SCGB2B2: variants seen among roughly 807,000 people sequenced by gnomAD.
The protein encoded by SCGB2B2 is secretoglobin family 2B member 2.
A neutral mutation model predicts 7.6 loss-of-function variants in SCGB2B2; 11 were observed. The ratio of observed to expected loss-of-function variants is 1.45; its 90% confidence interval spans 0.91 to 2.40. The LOEUF (loss-of-function observed/expected upper bound fraction) is 2.40. Ranked by LOEUF, SCGB2B2 falls within the 30% of genes most tolerant of loss-of-function variation. The pLI is 0.00. For synonymous variants in SCGB2B2, 50 were observed against 48.6 expected (o/e 1.03, Z -0.12); for missense variants, 104 against 115.4 (o/e 0.90, Z 0.45).
chr19:34,655,588 ACT>A (rs1403907462), intron 1 of SCGB2B2, among the ~76,000 whole-genome samples: 2 of 151,092 alleles, frequency 1.3e-5, no homozygotes, highest in Admixed American at 1.3e-4. Context: ...AGCAAGCTGT[ACT>A]CTGACCACCT....
chr19:34,670,016 A>G (rs1241032852), intron 1 of SCGB2B2, among the ~76,000 whole-genome samples: 1 of 152,108 alleles, frequency 6.6e-6, no homozygotes, highest in African/African-American at 2.4e-5. Flanking sequence ...TTTGGCCTAT[A>G]GTGTTGGTCT....
At position 34,676,540 on chromosome 19, in the gene SCGB2B2, C is replaced by T. The variant is rs1433651232; in HGVS notation, c.-2942G>A. On this transcript the variant is annotated 5_prime_UTR_variant, in exon 1 of 4. Transcript: ENST00000601241. ...ATCCCTAGTCCAGCAGCCCAAGCTG[C>T]TGCTCTAACAATGGAGTACCCATTG... 1 of 152,182 alleles carries T rather than the reference C, an allele frequency of 6.6e-6. No homozygotes were observed. The highest frequency in any genetic ancestry group is 1.5e-5 in the Non-Finnish European group (1 of 68,058). The allele number at this position is 152,182 out of a possible 1,614,324, so 9.4% of individuals were successfully genotyped here.
intron 1 of SCGB2B2, among the ~76,000 whole-genome samples, chr19:34,597,109 C>T (rs1324425680): frequency 6.6e-6 from 1 of 151,638 alleles, no homozygotes; most frequent in Non-Finnish European, 1.5e-5. Context: ...GTGCAGCTGT[C>T]ACTCAATCAC....
chr19:34,604,675 A>G (rs559932569), intron 1 of SCGB2B2, among the ~76,000 whole-genome samples: 283 of 152,302 alleles, frequency 1.9e-3, no homozygotes, highest in African/African-American at 6.4e-3. Context: ...ATCAAATTAT[A>G]TCCTCTATTT....
chr19:34,667,709 C>T (rs1187876465), intron 1 of SCGB2B2, among the ~76,000 whole-genome samples: 2 of 148,158 alleles, frequency 1.3e-5, no homozygotes, highest in Non-Finnish European at 3.0e-5. Flanking sequence ...TGTGCGTTTT[C>T]CCCAATTCTT....
At chr19:34,643,158 T>G (rs1003300620) in intron 1 of SCGB2B2, among the ~76,000 whole-genome samples, 2 of 152,208 alleles carry the variant, frequency 1.3e-5, no homozygotes, top group Admixed American at 1.3e-4. Flanking sequence ...TCATTCAACC[T>G]AAGTGTCCAT....
In SCGB2B2 at chr19:34,619,240, CAA is replaced by C. The variant is rs1282834092; in HGVS notation, c.-2031-22648_-2031-22647del. Reference sequence around the variant, plus strand: ...ACGGAGATCCAAGACAGAATTTCATCAATAAAGAAATCTTTAGAGGGAGAGTG... The same window carrying C: ...ACGGAGATCCAAGACAGAATTTCATCTAAAGAAATCTTTAGAGGGAGAGTG... On this transcript the variant is annotated intron_variant, in intron 1 of 3. Transcript: ENST00000601241. Among the ~76,000 whole-genome samples the C allele has an allele frequency of 2.0e-5, 3 of 152,226 alleles. No individual in the cohort carries two copies. The South Asian group carries it at 6.2e-4, about 32-fold the overall frequency.
chr19:34,662,695 C>T (rs1033063788), intron 1 of SCGB2B2, among the ~76,000 whole-genome samples: 3 of 152,016 alleles, frequency 2.0e-5, no homozygotes, highest in African/African-American at 7.2e-5. Context: ...TAAAGAACTC[C>T]TTTAGCACAT....
rs78319755 is a variant in SCGB2B2 at position 34,662,979 on chromosome 19, G to A, written c.-2032+12651C>T. On this transcript the variant is annotated intron_variant, in intron 1 of 3. Coordinates refer to ENST00000601241, the MANE Select transcript of SCGB2B2 (RefSeq NM_001025591.4). The stretch of plus-strand genomic sequence containing the variant: ...ACAAACAAAAAAAAACAATAAAAGT[G>A]CGGAAAAAGCCTTCTACTCACATTT... Among the ~76,000 whole-genome samples the A allele has an allele frequency of 2.6e-3, 392 of 152,012 alleles. 12 individuals are homozygous for A. In the East Asian group the frequency reaches 0.063, roughly 25 times the overall value.
chr19:34,668,549 G>A (rs1474511366), intron 1 of SCGB2B2, among the ~76,000 whole-genome samples: 2 of 152,226 alleles, frequency 1.3e-5, no homozygotes, highest in Non-Finnish European at 2.9e-5. Context: ...CGCGGGACTG[G>A]CAGGCAGCTC....
At chr19:34,642,978 G>C (rs988740265) in intron 1 of SCGB2B2, among the ~76,000 whole-genome samples, 2 of 152,154 alleles carry the variant, frequency 1.3e-5, no homozygotes, top group African/African-American at 4.8e-5. Flanking sequence ...AATTAGCACA[G>C]TCACTATGGA....
chr19:34,641,363 G>A (rs2066835485), intron 1 of SCGB2B2, among the ~76,000 whole-genome samples: 5 of 152,178 alleles, frequency 3.3e-5, no homozygotes, highest in Admixed American at 3.3e-4. Flanking sequence ...CTGACATCAT[G>A]ACTTGTGAAT....
chr19:34,634,932 C>A, intron 1 of SCGB2B2: 1 of 270,496 alleles, frequency 3.7e-6, no homozygotes. Flanking sequence ...GCACTCACAG[C>A]CTTTCACCAG....
chr19:34,640,844 AT>A (rs1200454992), intron 1 of SCGB2B2, among the ~76,000 whole-genome samples: 1 of 151,870 alleles, frequency 6.6e-6, no homozygotes, highest in Non-Finnish European at 1.5e-5. Context: ...CTTTATTATT[AT>A]TTTTTTCCAG....
chr19:34,602,652 G>C (rs564951446), intron 1 of SCGB2B2, among the ~76,000 whole-genome samples: 2 of 152,302 alleles, frequency 1.3e-5, no homozygotes, highest in African/African-American at 4.8e-5. Flanking sequence ...TAGGGCTACA[G>C]GTTGACAGTA....
chr19:34,661,829 A>ATT (rs71165678), intron 1 of SCGB2B2, among the ~76,000 whole-genome samples: 16 of 147,772 alleles, frequency 1.1e-4, no homozygotes, highest in African/African-American at 4.0e-4. Context: ...TTTTTCTGTG[A>ATT]TTTTTTTTTT....
intron 1 of SCGB2B2, among the ~76,000 whole-genome samples, chr19:34,627,817 C>T (rs1480932803): frequency 3.3e-5 from 5 of 152,202 alleles, no homozygotes; most frequent in Non-Finnish European, 2.9e-5. Context: ...ACAGAATATA[C>T]ATTCTTCTCA....
rs555577908 is a variant in SCGB2B2 at position 34,672,742 on chromosome 19, T to C, written c.-2032+2888A>G. ...ACCTAATCATCAATATGGGACTCAT[T>C]TGAACCTAAACTTCCACCAAAACAC... On this transcript the variant is annotated intron_variant, in intron 1 of 3. Transcript: ENST00000601241. Among the ~76,000 whole-genome samples the C allele has an allele frequency of 8.5e-5, 13 of 152,328 alleles. 1 individual carries two copies. In the South Asian group the frequency reaches 1.7e-3, roughly 19 times the overall value.
chr19:34,605,377 A>C (rs186369796), intron 1 of SCGB2B2, among the ~76,000 whole-genome samples: 4 of 152,262 alleles, frequency 2.6e-5, no homozygotes, highest in Admixed American at 2.6e-4. Context: ...CTAACTTCAG[A>C]TACTCCTTGT....
Sources: allele counts gnomAD v4.1 joint callset (sites outside exome capture counted in the v4.1 genomes callset), GRCh38; gene constraint gnomAD v4.1.1; transcripts MANE v1.5; gene names NCBI Gene and HGNC (gene_info 2026-07-23, HGNC 2026-07-21).